The following PARG variants were observed in gnomAD, a reference collection of about 807,000 sequenced individuals.
PARG encodes poly(ADP-ribose) glycohydrolase.
In PARG, 35 loss-of-function variants were observed where a neutral mutation model predicts 113.0. The observed-to-expected ratio is 0.31, with a 90% CI of 0.24 to 0.41. PARG has a LOEUF of 0.41. PARG is among the 10% of genes least tolerant of loss of function. The pLI, the probability that PARG is intolerant of heterozygous loss-of-function variation, is 1.00. For synonymous variants in PARG, 330 were observed against 409.9 expected, an observed-to-expected ratio of 0.81 and a Z score of 2.36; for missense variants, 797 against 1,169.4, an observed-to-expected ratio of 0.68 and a Z score of 4.64.
rs1378519178 is a variant in PARG at position 49,818,468 on chromosome 10, C to A, written c.*872G>T. 6.6e-6 allele frequency: 1 copy of A among 152,526 alleles called. No homozygotes were observed. The highest frequency in any genetic ancestry group is 1.5e-5 in the Non-Finnish European group (1 of 68,024). 9.4% of individuals were successfully genotyped at this position (152,526 alleles called of 1,614,324 possible). ...CAGAGAAACTTCAATATGTACAAATCAGCATGAAGTTCCCAGTTCTCAAAC... is the reference window on the plus strand; with the variant it reads ...CAGAGAAACTTCAATATGTACAAATAAGCATGAAGTTCCCAGTTCTCAAAC... On this transcript the variant is annotated 3_prime_UTR_variant, in exon 18 of 18. Transcript: ENST00000616448.
chr10:49,849,021 C>T (rs1845639014), intron 13 of PARG, among the ~76,000 whole-genome samples: 1 of 151,990 alleles, frequency 6.6e-6, no homozygotes, highest in Admixed American at 6.6e-5. Flanking sequence ...CATGGAGAAA[C>T]CCCGTCTCTA....
chr10:49,822,754 T>C (rs782137450), intron 16 of PARG, among the ~76,000 whole-genome samples: 1 of 152,166 alleles, frequency 6.6e-6, no homozygotes, highest in East Asian at 1.9e-4. Flanking sequence ...GTGATCAAAA[T>C]TAAGATCACC....
intron 9 of PARG, among the ~76,000 whole-genome samples, chr10:49,873,447 G>A (rs1846795466): frequency 6.6e-6 from 1 of 151,222 alleles, no homozygotes; most frequent in South Asian, 2.1e-4. Flanking sequence ...GGAGCACTCA[G>A]AGCATTTTGC....
chr10:49,938,228 T>C (rs1358107497), intron 1 of PARG, among the ~76,000 whole-genome samples: 1 of 152,194 alleles, frequency 6.6e-6, no homozygotes, highest in Non-Finnish European at 1.5e-5. Flanking sequence ...AAGGGTTATG[T>C]GGATCAATTA....
At chr10:49,845,576 C>A in intron 13 of PARG, among the ~76,000 whole-genome samples, 1 of 152,084 alleles carries the variant, frequency 6.6e-6, no homozygotes. Context: ...TCAGGCCCAC[C>A]CAGATTATCG....
intron 7 of PARG, among the ~76,000 whole-genome samples, chr10:49,909,082 C>T (rs1237832310): frequency 6.6e-6 from 1 of 151,994 alleles, no homozygotes; most frequent in Non-Finnish European, 1.5e-5. Flanking sequence ...GTTAAAATTA[C>T]CATGAGATAA....
rs1838608862 is a variant in PARG, at chr10:49,933,757, C to T, written c.691G>A (p.Ala231Thr). The change falls in exon 3 of 18, where the codon GCC becomes ACC. Residue 231 changes from alanine (A) to threonine (T), a missense_variant. Transcript: ENST00000616448. ...TTGCTGCACTTCTGGTGGCTTTTGG[C>T]TTCTCTGGCCTGTTCATCTTCTGTA... ...QTTEDEQARE[A>T]KSHQKCSKSC... 27 of 1,613,364 alleles carry T rather than the reference C, an allele frequency of 1.7e-5. No individual in the cohort carries two copies. The South Asian group carries it at 2.3e-4, about 14-fold the overall frequency.
At chr10:49,867,966 C>T (rs181674271) in intron 10 of PARG, among the ~76,000 whole-genome samples, 9 of 152,046 alleles carry the variant, frequency 5.9e-5, no homozygotes, top group Non-Finnish European at 1.0e-4. Context: ...TCTAATTAGA[C>T]CTAGAATAGC....
intron 7 of PARG, among the ~76,000 whole-genome samples, chr10:49,896,262 G>A (rs1259775083): frequency 6.6e-6 from 1 of 152,204 alleles, no homozygotes; most frequent in East Asian, 1.9e-4. Context: ...GGACATAGTT[G>A]TTAATAGTTT....
intron 15 of PARG, among the ~76,000 whole-genome samples, chr10:49,833,810 G>A (rs551274727): frequency 3.9e-5 from 6 of 152,200 alleles, no homozygotes; most frequent in Non-Finnish European, 8.8e-5. Context: ...AGTTCCAAAC[G>A]AAGCCTAAAA....
At position 49,934,081 on chromosome 10, in the gene PARG, C is replaced by A; in HGVS notation, c.367G>T (p.Val123Leu). 4.0e-6 allele frequency: 6 copies of A among 1,503,276 alleles called. No homozygotes were observed. Among genetic ancestry groups the A allele is most frequent in the Non-Finnish European group, 9.3e-7 (1 of 1,078,688 alleles). The allele number at this position is 1,503,276 out of a possible 1,614,324, so 93.1% of individuals were successfully genotyped here. A position where few individuals can be genotyped will look rare whatever the true frequency, so the allele number is the denominator to read the frequency against. ...TGAGAAACATTTTCTAATTTTTCTA[C>A]ATTATGTTGGTAAAAGTTATCTTTT... Reference protein sequence around the residue: ...VQKDNFYQHNVEKLENVSQLS... With the variant: ...VQKDNFYQHNLEKLENVSQLS... The change falls in exon 3 of 18, where the codon GTA becomes TTA. Residue 123 changes from valine to leucine, a missense_variant. Coordinates refer to ENST00000616448, the MANE Select transcript of PARG (RefSeq NM_003631.5).
intron 7 of PARG, among the ~76,000 whole-genome samples, chr10:49,913,444 C>T (rs1366259403): frequency 7.9e-5 from 12 of 152,292 alleles, no homozygotes; most frequent in Non-Finnish European, 1.6e-4. Flanking sequence ...TTATATAACA[C>T]AGAAGATTTT....
intron 14 of PARG, among the ~76,000 whole-genome samples, chr10:49,843,147 C>T (rs78200052): frequency 0.07 from 10,615 of 152,202 alleles, 523 homozygotes; most frequent in African/African-American, 0.12. Context: ...GGTCAACTGT[C>T]GCAACATAGG....
intron 4 of PARG, among the ~76,000 whole-genome samples, chr10:49,925,614 T>C (rs1485796531): frequency 2.0e-5 from 3 of 152,198 alleles, no homozygotes; most frequent in Admixed American, 1.3e-4. Flanking sequence ...AGAATAAATT[T>C]CTTTAAATAT....
rs868906697 is a variant in PARG, at chr10:49,866,964, T to C, written c.2069-1583A>G. 1.6e-3 allele frequency: 240 copies of C among 151,704 alleles called. 2 individuals are homozygous for C. Among genetic ancestry groups the C allele is most frequent in the African/African-American group, 5.6e-3 (232 of 41,354 alleles). 9.4% of individuals were successfully genotyped at this position (151,704 alleles called of 1,614,324 possible). On this transcript the variant is annotated intron_variant, in intron 10 of 17. Transcript: ENST00000616448. Reference sequence around the variant, plus strand: ...ATAAAATACACATGTTTAACAACACTGAAAAGTTGGTCCTGATGGAATTCT... The same window carrying C: ...ATAAAATACACATGTTTAACAACACCGAAAAGTTGGTCCTGATGGAATTCT...
chr10:49,823,123 A>G (rs1182817368), intron 16 of PARG, among the ~76,000 whole-genome samples: 2 of 152,168 alleles, frequency 1.3e-5, no homozygotes, highest in Non-Finnish European at 2.9e-5. Flanking sequence ...ATGTGTTTAT[A>G]TAAGATAATA....
At chr10:49,843,484 AGT>A in intron 14 of PARG, 68 bp downstream of exon 14, 2 of 829,834 alleles carry the variant, frequency 2.4e-6, no homozygotes, top group Non-Finnish European at 4.1e-6. Context: ...ACAGAATGAG[AGT>A]GTGTGAGGGT....
At position 49,842,019 on chromosome 10, in the gene PARG, G is replaced by A. The variant is rs35895637; in HGVS notation, c.2472C>T (p.Ile824=). 1.1e-4 allele frequency: 175 copies of A among 1,550,398 alleles called. No homozygotes were observed. The African/African-American group carries it at 1.9e-3, about 17-fold the overall frequency. ...WQRRCTEIVA[I]DALHFRRYLD... is the part of the protein sequence containing the mutation. ...GGTAGCGTCTGAAGTGAAGAGCATCGATGGCAACGATCTCAGTGCAGCGCC... is the reference window on the plus strand; with the variant it reads ...GGTAGCGTCTGAAGTGAAGAGCATCAATGGCAACGATCTCAGTGCAGCGCC... The change falls in exon 15 of 18, where the codon ATC becomes ATT. Residue 824 remains isoleucine, a synonymous_variant. Transcript: ENST00000616448.
intron 4 of PARG, among the ~76,000 whole-genome samples, chr10:49,923,841 A>AT (rs1455714699): frequency 6.6e-6 from 1 of 152,116 alleles, no homozygotes; most frequent in Admixed American, 6.6e-5. Context: ...TCAAGCAAGC[A>AT]TATGTACAAC....
Sources: allele counts gnomAD v4.1 joint callset (sites outside exome capture counted in the v4.1 genomes callset), GRCh38; gene constraint gnomAD v4.1.1; transcripts MANE v1.5; gene names NCBI Gene and HGNC (gene_info 2026-07-23, HGNC 2026-07-21).